The following TTN variants were observed in gnomAD, a reference collection of about 807,000 sequenced individuals.
The protein encoded by TTN is titin, also known as connectin.
TTN carries 1,525 observed loss-of-function variants against 3,223.0 expected under a neutral mutation model. That is an observed-to-expected ratio of 0.47 (90% CI 0.45 to 0.49). TTN has a LOEUF of 0.49. Ranked by LOEUF, TTN falls within the 20% of genes least tolerant of loss-of-function variation. The pLI is 0.00. For missense variants in TTN, 40,786 were observed against 43,424.0 expected, an observed-to-expected ratio of 0.94 and a Z score of 5.40; for synonymous variants, 14,094 against 15,161.0, an observed-to-expected ratio of 0.93 and a Z score of 5.17.
chr2:178,699,015 T>C, intron 111 of TTN, 101 bp from the exon 112 acceptor site: 1 of 1,230,284 alleles, frequency 8.1e-7, no homozygotes, highest in Admixed American at 2.8e-5. Context: ...ATTTTATTTT[T>C]CCATATGTTG....
At chr2:178,687,996 T>C (rs1439660454) in intron 127 of TTN, 115 bp downstream of exon 127, 5 of 742,424 alleles carry the variant, frequency 6.7e-6, no homozygotes, top group African/African-American at 1.8e-5. Context: ...CTGGTAGATG[T>C]TCACTGAATT....
rs1559369489 is a variant in TTN at position 178,568,296 on chromosome 2, C to T, written c.77836G>A (p.Ala25946Thr). The T allele has an allele frequency of 4.3e-6, 7 of 1,613,384 alleles. No individual in the cohort carries two copies. The highest frequency in any genetic ancestry group is 1.1e-5 in the South Asian group (1 of 91,074). ...TTGGTCACTTTGAGTGTAGTTCTAG[C>T]AACAGTAGCAGAAACAACATCCCAT... ...TVWDVVSATV[A>T]RTTLKVTKLK... Residue 25946 changes from alanine (A) to threonine (T), a missense_variant, in exon 326 of 363, where the codon GCT (alanine) becomes ACT (threonine). Coordinates refer to ENST00000589042, the MANE Select transcript of TTN (RefSeq NM_001267550.2).
At chr2:178,732,740 G>A (rs1023125438) in intron 55 of TTN, 22 bp from the exon 56 acceptor site, 9 of 1,561,584 alleles carry the variant, frequency 5.8e-6, no homozygotes, top group Non-Finnish European at 7.8e-6. Context: ...GTATAAGAAA[G>A]AATTTCAAAG....
chr2:178,629,586 G>A (rs2059533559), intron 239 of TTN, 143 bp from the exon 240 acceptor site: 3 of 1,217,518 alleles, frequency 2.5e-6, no homozygotes, highest in East Asian at 4.9e-5. Context: ...ACGTGAACGT[G>A]GCCCCACGGC....
In TTN at chr2:178,777,601, A is replaced by G. The variant is rs1298684196; in HGVS notation, c.4481-17T>C. Reference sequence around the variant, plus strand: ...TTTGCTGGCCTGTGAAAATATGTTTAAAAGAAAGTAGATTTTAAAATAGTT... The same window carrying G: ...TTTGCTGGCCTGTGAAAATATGTTTGAAAGAAAGTAGATTTTAAAATAGTT... On this transcript the variant is annotated splice_polypyrimidine_tract_variant and intron_variant, in intron 25 of 362. Transcript: ENST00000589042. The G allele has an allele frequency of 1.2e-6, 2 of 1,613,540 alleles. No individual in the cohort carries two copies. The highest frequency in any genetic ancestry group is 2.7e-5 in the African/African-American group (2 of 74,896).
At chr2:178,701,981 T>C (rs192150984) in intron 109 of TTN, 59 bp downstream of exon 109, 383 of 1,549,972 alleles carry the variant, frequency 2.5e-4, no homozygotes, top group Non-Finnish European at 3.3e-4. Flanking sequence ...GCTTCTGTGA[T>C]TTACAAAATT....
Position 178,601,894 on chromosome 2 carries a change from G to A in TTN, c.55290C>T (p.Pro18430=), listed in dbSNP as rs777904054. Residue 18430 remains proline (P), a synonymous_variant, in exon 285 of 363, where the codon CCC becomes CCT. Transcript: ENST00000589042. ...KAMKDGVHDI[P]EDAQLETAEN... Reference sequence around the variant, plus strand: ...ATTATTTTTTTACCTGTGCATCTTCGGGTATGTCATGAACTCCATCCTATT... The same window carrying A: ...ATTATTTTTTTACCTGTGCATCTTCAGGTATGTCATGAACTCCATCCTATT... 2.3e-5 allele frequency: 37 copies of A among 1,611,378 alleles called. No homozygotes were observed. The highest frequency in any genetic ancestry group is 3.3e-4 in the Middle Eastern group (2 of 6,062).
rs1178914442 is a variant in TTN, at chr2:178,639,739, G to A, written c.40836C>T (p.Ile13612=). 8 of 1,610,966 alleles carry A rather than the reference G, an allele frequency of 5.0e-6. No homozygotes were observed. Among genetic ancestry groups the A allele is most frequent in the East Asian group, 4.5e-5 (2 of 44,730 alleles). Residue 13612 remains isoleucine (I), a synonymous_variant, in exon 223 of 363, where the codon ATC becomes ATT. Transcript: ENST00000589042. ...PPPVEPEPTP[I]AAPVTVPVVG... ...CCACTGGCACTGTTACTGGGGCAGCGATGGGGGTTGGTTCAGGTTCCACAG... is the reference window on the plus strand; with the variant it reads ...CCACTGGCACTGTTACTGGGGCAGCAATGGGGGTTGGTTCAGGTTCCACAG...
intron 8 of TTN, among the ~76,000 whole-genome samples, chr2:178,794,128 A>T (rs975408040): frequency 6.6e-6 from 1 of 151,356 alleles, no homozygotes; most frequent in Non-Finnish European, 1.5e-5. Context: ...TTGCCTTCCT[A>T]CCTTGAATAC....
chr2:178,673,085 T>TGTA (rs948312920), intron 152 of TTN, among the ~76,000 whole-genome samples: 3 of 151,626 alleles, frequency 2.0e-5, no homozygotes, highest in Non-Finnish European at 4.4e-5. Context: ...AGCTGAGGAG[T>TGTA]CTACTATGAC....
chr2:178,735,484 T>C, intron 50 of TTN, 27 bp downstream of exon 50: 1 of 1,525,302 alleles, frequency 6.6e-7, no homozygotes, highest in Non-Finnish European at 8.8e-7. Flanking sequence ...GAGAAGGGAC[T>C]AGAAAATACA....
chr2:178,723,897 A>T lies in TTN; in HGVS notation c.21362T>A (p.Val7121Asp), dbSNP rs1276789641. The T allele has an allele frequency of 1.9e-6, 3 of 1,613,134 alleles. No individual in the cohort carries two copies. In the South Asian group the frequency reaches 3.3e-5, roughly 18 times the overall value. The change falls in exon 73 of 363, where the codon GTC becomes GAC. Residue 7121 changes from valine to aspartate, a missense_variant. Physicochemically the swap from Val to Asp is radical, Grantham distance 152. Coordinates refer to ENST00000589042, the MANE Select transcript of TTN (RefSeq NM_001267550.2). ...MGNYTCVAAN[V>D]AGSDECRAVL... ...TGCACGACATTCATCAGACCCAGCG[A>T]CATTAGCAGCCACGCATGTGTAATT...
At chr2:178,578,404 A>G (rs1390977809) in intron 321 of TTN, among the ~76,000 whole-genome samples, 1 of 152,052 alleles carries the variant, frequency 6.6e-6, no homozygotes, top group East Asian at 1.9e-4. Flanking sequence ...ACTTACAAAA[A>G]TAGATATTAT....
chr2:178,796,879 A>C (rs894209446), intron 6 of TTN, among the ~76,000 whole-genome samples: 1 of 152,216 alleles, frequency 6.6e-6, no homozygotes, highest in African/African-American at 2.4e-5. Flanking sequence ...TCACAGCGAG[A>C]TACAATGCAC....
chr2:178,570,458 G>A lies in TTN; in HGVS notation c.75674C>T (p.Ala25225Val). 6.2e-7 allele frequency: 1 copy of A among 1,613,214 alleles called. No homozygotes were observed. The highest frequency in any genetic ancestry group is 2.2e-5 in the East Asian group (1 of 44,688). The part of the protein sequence containing the change: ...SGVTAEKCTL[A>V]WKPPLQDGGS... ...ACCATCCTGAAGTGGGGGTTTCCAA[G>A]CTAGTGTGCATTTTTCTGCTGTAAC... is the stretch of plus-strand genomic sequence containing the variant. The change falls in exon 326 of 363, where the codon GCT becomes GTT. Residue 25225 changes from alanine to valine, a missense_variant. By Grantham distance (64) the Ala-to-Val change is moderately conservative (BLOSUM62 0). Transcript: ENST00000589042.
rs1430265442 is a variant in TTN at position 178,735,393 on chromosome 2, T to G, written c.14935+118A>C. 18 of 1,023,352 alleles carry G rather than the reference T, an allele frequency of 1.8e-5. No homozygotes were observed. The East Asian group carries it at 4.9e-4, about 28-fold the overall frequency. 63.4% of individuals were successfully genotyped at this position (1,023,352 alleles called of 1,614,324 possible). On this transcript the variant is annotated intron_variant, in intron 50 of 362. Transcript: ENST00000589042. ...CCAGGACTTTCCCAAACCATAATGT[T>G]TGCTGAATGACATTATTTTAATAAC...
chr2:178,727,604 A>G lies in TTN; in HGVS notation c.19974T>C (p.Thr6658=), dbSNP rs2079585122. 2.5e-6 allele frequency: 4 copies of G among 1,582,066 alleles called. No homozygotes were observed. The South Asian group carries it at 3.5e-5, about 14-fold the overall frequency. Residue 6658 remains threonine, a synonymous_variant, in exon 68 of 363, where the codon ACT becomes ACC. Transcript: ENST00000589042. ...GCACACCTGTCACAAGCAACATCGT[A>G]GTACAAGAGTCGCTACCAACATCAT... is the stretch of plus-strand genomic sequence containing the variant. ...VTNDVGSDSC[T]TMLLVTEPPK... is the part of the protein sequence containing the mutation.
At position 178,588,702 on chromosome 2, in the gene TTN, G is replaced by A. The variant is rs72646850; in HGVS notation, c.63023C>T (p.Thr21008Ile). ...YFLEKKEKHS[T>I]RWVPVNKSAI... ...ACTCTTGTTGACAGGGACCCATCGTGTTGAATGCTTTTCCTTTTTCTCCAA... is the reference window on the plus strand; with the variant it reads ...ACTCTTGTTGACAGGGACCCATCGTATTGAATGCTTTTCCTTTTTCTCCAA... The change falls in exon 304 of 363, where the codon ACA becomes ATA. Residue 21008 changes from threonine (T) to isoleucine (I), a missense_variant. By Grantham distance (89) the Thr-to-Ile change is moderately conservative (BLOSUM62 -1). Transcript: ENST00000589042. 0.012 allele frequency: 19,950 copies of A among 1,613,206 alleles called. 171 individuals are homozygous for A. The highest frequency in any genetic ancestry group is 0.015 in the Non-Finnish European group (17,559 of 1,179,480).
chr2:178,757,227 A>ATACTGTACTTGTTTTAAGTACAGTAAG, intron 45 of TTN, among the ~76,000 whole-genome samples: 1 of 150,194 alleles, frequency 6.7e-6, no homozygotes, highest in African/African-American at 2.4e-5. Flanking sequence ...ACAGTAAGTA[A>ATACTGTACTTGTTTTAAGTACAGTAAG]TAATCAGCAA....
Sources: gnomAD v4.1 joint callset for allele counts (sites outside exome capture counted in the v4.1 genomes callset) on GRCh38, gnomAD v4.1.1 for gene constraint, MANE v1.5 for transcripts, NCBI Gene and HGNC (gene_info 2026-07-23, HGNC 2026-07-21) for gene names.